The following PLPPR1 variants were observed in gnomAD, a reference collection of about 807,000 sequenced individuals.
PLPPR1 encodes phospholipid phosphatase-related protein type 1.
PLPPR1 carries 10 observed loss-of-function variants against 33.1 expected under a neutral mutation model. The ratio of observed to expected loss-of-function variants is 0.30; its 90% CI spans 0.19 to 0.51. PLPPR1 has a LOEUF of 0.51. Ranked by LOEUF, PLPPR1 falls within the 20% of genes least tolerant of loss-of-function variation. The pLI is 0.97. For synonymous variants in PLPPR1, 151 were observed against 151.0 expected (o/e 1.00, Z 0.00); for missense variants, 304 against 408.1 (o/e 0.74, Z 2.20).
chr9:101,252,879 A>G (rs1827736474), intron 2 of PLPPR1, among the ~76,000 whole-genome samples: 1 of 151,920 alleles, frequency 6.6e-6, no homozygotes, highest in African/African-American at 2.4e-5. Flanking sequence ...TTATGTTTTC[A>G]TTCTAATATG....
intron 4 of PLPPR1, among the ~76,000 whole-genome samples, chr9:101,291,601 G>A (rs1262014079): frequency 6.6e-6 from 1 of 152,162 alleles, no homozygotes; most frequent in Non-Finnish European, 1.5e-5. Flanking sequence ...AACTTCCAGA[G>A]GAATGATCAG....
rs145266163 is a variant in PLPPR1, at chr9:101,053,183, G to A, written c.-46+24081G>A. ...ACCTTCCCTCACAAAAAATGCCTACGCTTCCCATTTCAGTTAATGGGGCCA... is the reference window on the plus strand; with the variant it reads ...ACCTTCCCTCACAAAAAATGCCTACACTTCCCATTTCAGTTAATGGGGCCA... On this transcript the variant is annotated intron_variant, in intron 1 of 7. Coordinates refer to ENST00000374874, the MANE Select transcript of PLPPR1 (RefSeq NM_207299.2). Among the ~76,000 whole-genome samples, 55 of 152,138 alleles carry A rather than the reference G, an allele frequency of 3.6e-4. 1 individual carries two copies. The highest frequency in any genetic ancestry group is 1.3e-3 in the African/African-American group (52 of 41,492).
chr9:101,294,460 G>T (rs1018999049), intron 4 of PLPPR1, among the ~76,000 whole-genome samples: 2 of 151,126 alleles, frequency 1.3e-5, no homozygotes, highest in African/African-American at 2.4e-5. Flanking sequence ...TATGAGGCCA[G>T]CATCATCCTG....
chr9:101,315,444 G>A (rs1829034580), intron 6 of PLPPR1, among the ~76,000 whole-genome samples: 1 of 152,194 alleles, frequency 6.6e-6, no homozygotes, highest in African/African-American at 2.4e-5. Context: ...ACTGTTCCAA[G>A]CAATTTTGTA....
chr9:101,051,419 T>A (rs76556916), intron 1 of PLPPR1, among the ~76,000 whole-genome samples: 1 of 152,120 alleles, frequency 6.6e-6, no homozygotes, highest in Non-Finnish European at 1.5e-5. Flanking sequence ...TATCCTCCAA[T>A]AGTAAGCCCC....
At chr9:101,096,838 A>G (rs1398065641) in intron 1 of PLPPR1, among the ~76,000 whole-genome samples, 2 of 152,106 alleles carry the variant, frequency 1.3e-5, no homozygotes, top group Non-Finnish European at 2.9e-5. Context: ...GCTGACGTGG[A>G]AGGATTGCTT....
At chr9:101,223,347 AC>A (rs750464633) in intron 2 of PLPPR1, among the ~76,000 whole-genome samples, 1 of 150,536 alleles carries the variant, frequency 6.6e-6, no homozygotes, top group Non-Finnish European at 1.5e-5. Flanking sequence ...AAAAAAAAAA[AC>A]CTTAATTGGG....
chr9:101,297,047 T>C (rs1828659447), intron 4 of PLPPR1, among the ~76,000 whole-genome samples: 1 of 152,232 alleles, frequency 6.6e-6, no homozygotes, highest in African/African-American at 2.4e-5. Flanking sequence ...TTGTGTGTTA[T>C]CCATAGCAAA....
intron 1 of PLPPR1, among the ~76,000 whole-genome samples, chr9:101,077,933 A>G (rs1160715165): frequency 6.6e-6 from 1 of 151,052 alleles, no homozygotes; most frequent in Non-Finnish European, 1.5e-5. Flanking sequence ...TCACTTTTAT[A>G]TGTGAGGGGG....
At chr9:101,268,377 A>G (rs16920107) in intron 2 of PLPPR1, among the ~76,000 whole-genome samples, 6,394 of 152,162 alleles carry the variant, frequency 0.042, 215 homozygotes, top group South Asian at 0.17. Flanking sequence ...CTGGTTCCAG[A>G]GAATGGTTTA....
chr9:101,296,190 A>G (rs1393038082), intron 4 of PLPPR1, among the ~76,000 whole-genome samples: 1 of 151,948 alleles, frequency 6.6e-6, no homozygotes, highest in African/African-American at 2.4e-5. Flanking sequence ...CAAAAAACAC[A>G]TGAAAAAATG....
chr9:101,210,893 G>A (rs1472947791), intron 2 of PLPPR1, among the ~76,000 whole-genome samples: 1 of 152,022 alleles, frequency 6.6e-6, no homozygotes, highest in Non-Finnish European at 1.5e-5. Flanking sequence ...TCAGCATCCC[G>A]AGTAGCTGGG....
chr9:101,260,279 G>A (rs1034474016), intron 2 of PLPPR1, among the ~76,000 whole-genome samples: 1 of 152,122 alleles, frequency 6.6e-6, no homozygotes, highest in Non-Finnish European at 1.5e-5. Context: ...TTTTGGAGGA[G>A]TATACAGATA....
chr9:101,042,291 C>T (rs1830086137), intron 1 of PLPPR1, among the ~76,000 whole-genome samples: 1 of 152,168 alleles, frequency 6.6e-6, no homozygotes, highest in African/African-American at 2.4e-5. Flanking sequence ...CTCCACTCAC[C>T]TGTAAGTTTT....
At chr9:101,266,622 T>G (rs1378325261) in intron 2 of PLPPR1, among the ~76,000 whole-genome samples, 1 of 152,112 alleles carries the variant, frequency 6.6e-6, no homozygotes, top group Non-Finnish European at 1.5e-5. Flanking sequence ...TTATAAACTT[T>G]TAATTTATCC....
At chr9:101,126,902 A>T (rs1397514767) in intron 1 of PLPPR1, among the ~76,000 whole-genome samples, 1 of 152,112 alleles carries the variant, frequency 6.6e-6, no homozygotes, top group African/African-American at 2.4e-5. Context: ...CATTGACCAA[A>T]CTGAGACTGG....
intron 2 of PLPPR1, among the ~76,000 whole-genome samples, chr9:101,255,599 T>G (rs959339860): frequency 6.6e-6 from 1 of 152,192 alleles, no homozygotes; most frequent in Non-Finnish European, 1.5e-5. Context: ...TTATTTCCAT[T>G]TTTTTGCTTT....
chr9:101,323,214 G>A (rs541399761), intron 7 of PLPPR1, among the ~76,000 whole-genome samples: 55 of 152,298 alleles, frequency 3.6e-4, no homozygotes, highest in African/African-American at 1.3e-3. Context: ...AGGTGAAGAT[G>A]CTAGGCACAG....
At chr9:101,154,484 A>G (rs1831646679) in intron 1 of PLPPR1, among the ~76,000 whole-genome samples, 1 of 152,116 alleles carries the variant, frequency 6.6e-6, no homozygotes, top group Non-Finnish European at 1.5e-5. Context: ...TAGATTTTCT[A>G]GTTTATTTGC....
Sources: allele counts gnomAD v4.1 joint callset (sites outside exome capture counted in the v4.1 genomes callset), GRCh38; gene constraint gnomAD v4.1.1; transcripts MANE v1.5; gene names NCBI Gene and HGNC (gene_info 2026-07-23, HGNC 2026-07-21).